Variants in ARID1B observed in about 807,000 individuals in gnomAD.
ARID1B encodes AT-rich interactive domain-containing protein 1B.
A neutral mutation model predicts 212.3 loss-of-function variants in ARID1B; 30 were observed. That is an observed-to-expected ratio of 0.14 (90% confidence interval 0.11 to 0.19). The LOEUF is 0.19. Among genes scored for constraint, ARID1B ranks in the 10% least tolerant of loss-of-function variants. The probability of loss-of-function intolerance (pLI) is 1.00; values close to 1 mark genes in which losing one functional copy is unlikely to be tolerated. For missense variants in ARID1B, 2,891 were observed against 3,204.0 expected (o/e 0.90, Z 2.36); for synonymous variants, 1,402 against 1,301.7 (o/e 1.08, Z -1.66).
chr6:156,882,198 T>C (rs1368353474), intron 2 of ARID1B, among the ~76,000 whole-genome samples: 2 of 152,134 alleles, frequency 1.3e-5, no homozygotes, highest in East Asian at 1.9e-4. Context: ...AAGGGAGTCC[T>C]CCCTCTCAGC....
At chr6:156,783,753 C>T (rs577332814) in intron 1 of ARID1B, among the ~76,000 whole-genome samples, 2 of 152,268 alleles carry the variant, frequency 1.3e-5, no homozygotes, top group South Asian at 4.1e-4. Flanking sequence ...GATGTGCTGG[C>T]CTAGGACTCT....
chr6:156,817,653 C>T (rs1782062278), intron 1 of ARID1B, among the ~76,000 whole-genome samples: 2 of 151,906 alleles, frequency 1.3e-5, no homozygotes, highest in South Asian at 4.2e-4. Context: ...ACCACACACA[C>T]AAAACTTTTA....
At chr6:156,880,462 G>C (rs1330275533) in intron 2 of ARID1B, among the ~76,000 whole-genome samples, 1 of 152,148 alleles carries the variant, frequency 6.6e-6, no homozygotes, top group Non-Finnish European at 1.5e-5. Context: ...CATCAGCCAG[G>C]CACAGTGGCT....
chr6:156,791,096 C>CT (rs1276239931), intron 1 of ARID1B, among the ~76,000 whole-genome samples: 8 of 152,312 alleles, frequency 5.3e-5, no homozygotes, highest in Non-Finnish European at 1.0e-4. Flanking sequence ...CTTTCCCAGT[C>CT]TAAGTAGTTT....
At chr6:156,812,171 G>A (rs537513054) in intron 1 of ARID1B, among the ~76,000 whole-genome samples, 20 of 152,118 alleles carry the variant, frequency 1.3e-4, no homozygotes, top group East Asian at 5.8e-4. Flanking sequence ...TTCCTTTGTC[G>A]CTCAGGCTGG....
chr6:157,207,175 T>A lies in ARID1B; in HGVS notation c.6403T>A (p.Trp2135Arg). The A allele has an allele frequency of 6.2e-7, 1 of 1,613,522 alleles. No individual in the cohort carries two copies. The highest frequency in any genetic ancestry group is 8.5e-7 in the Non-Finnish European group (1 of 1,179,852). Reference protein sequence around the residue: ...DKGVACSKDEWWWDCLEVLRD... With the variant: ...DKGVACSKDERWWDCLEVLRD... ...GGGGGTGGCCTGCAGCAAAGATGAG[T>A]GGTGGTGGGACTGCCTCGAGGTCTT... The change falls in exon 20 of 20, where the codon TGG (tryptophan) becomes AGG (arginine). Residue 2135 changes from tryptophan (W) to arginine (R), a missense_variant. Physicochemically the swap from Trp to Arg is moderately radical, Grantham distance 101 (BLOSUM62 -3). Transcript: ENST00000636930. This position sits in a 1 kb window ranked among gnomAD's most constrained non-coding sequence, Gnocchi z 8.5.
intron 2 of ARID1B, among the ~76,000 whole-genome samples, chr6:156,843,181 TC>T (rs1293091224): frequency 6.6e-6 from 1 of 152,236 alleles, no homozygotes; most frequent in East Asian, 1.9e-4. Context: ...AGCATCAATA[TC>T]TGGTTAGAAT....
intron 3 of ARID1B, among the ~76,000 whole-genome samples, chr6:156,925,426 C>T (rs985221970): frequency 6.6e-6 from 1 of 152,152 alleles, no homozygotes; most frequent in Non-Finnish European, 1.5e-5. Flanking sequence ...AAAGGATCCA[C>T]TGAGCCCAGG....
At position 156,777,958 on chromosome 6, in the gene ARID1B, C is replaced by T. The variant is rs1778751310; in HGVS notation, c.278C>T (p.Ala93Val). The part of the protein sequence containing the change: ...NMAHNAGAAA[A>V]AGTHSAKSGG... Reference sequence around the variant, plus strand: ...GCCCATAACGCGGGCGCCGCGGCCGCCGCCGGCACCCACAGCGCCAAGAGC... The same window carrying T: ...GCCCATAACGCGGGCGCCGCGGCCGTCGCCGGCACCCACAGCGCCAAGAGC... The change falls in exon 1 of 20, where the codon GCC becomes GTC. Residue 93 changes from alanine to valine, a missense_variant. Physicochemically the swap from Ala to Val is moderately conservative, Grantham distance 64. Around this residue, in one of 7 missense-constraint regions of ARID1B, gnomAD observed 1,643 missense variants for 1,544.0 expected, o/e 1.06. Transcript: ENST00000636930. 1.3e-6 allele frequency: 2 copies of T among 1,529,980 alleles called. No homozygotes were observed. The highest frequency in any genetic ancestry group is 2.8e-5 in the African/African-American group (2 of 72,716). 94.8% of individuals were successfully genotyped at this position (1,529,980 alleles called of 1,614,324 possible).
chr6:157,081,515 C>T lies in ARID1B; in HGVS notation c.2248-3147C>T, dbSNP rs144125013. On this transcript the variant is annotated intron_variant, in intron 4 of 19. Coordinates refer to ENST00000636930, the MANE Select transcript of ARID1B (RefSeq NM_001374828.1). ...TGTAACAGTAATATAATAATTATAT[C>T]TTTTTATTACTCTTCTGTTACACTG... Among the ~76,000 whole-genome samples the T allele has an allele frequency of 5.9e-3, 904 of 152,186 alleles. 4 individuals are homozygous for T. The highest frequency in any genetic ancestry group is 9.7e-3 in the Non-Finnish European group (659 of 68,016).
At chr6:157,038,784 TTAC>T (rs1320553304) in intron 4 of ARID1B, among the ~76,000 whole-genome samples, 15 of 152,238 alleles carry the variant, frequency 9.9e-5, no homozygotes, top group African/African-American at 3.6e-4. Flanking sequence ...TCCTTCATAC[TTAC>T]TGAGTATGCA....
chr6:157,183,563 T>C (rs1792721917), intron 12 of ARID1B, among the ~76,000 whole-genome samples: 1 of 152,236 alleles, frequency 6.6e-6, no homozygotes, highest in African/African-American at 2.4e-5. Flanking sequence ...CCTCGGATCT[T>C]GACGTCACAT....
Position 157,190,755 on chromosome 6 carries a change from C to T in ARID1B, c.4231+545C>T, listed in dbSNP as rs1340984707. Among the ~76,000 whole-genome samples the T allele has an allele frequency of 6.6e-6, 1 of 152,140 alleles. No individual in the cohort carries two copies. Among genetic ancestry groups the T allele is most frequent in the Middle Eastern group, 3.2e-3 (1 of 316 alleles). On this transcript the variant is annotated intron_variant, in intron 15 of 19. Coordinates refer to ENST00000636930, the MANE Select transcript of ARID1B (RefSeq NM_001374828.1). The surrounding 1 kb of genome is among the most constrained non-coding windows in gnomAD (Gnocchi z 4.6). ...GAGGAAGCAAAAAATAAGTTAAGCA[C>T]AAATAAGCAGTTAAAGATTGTGGTT...
At chr6:156,900,621 G>T (rs1788841380) in intron 2 of ARID1B, among the ~76,000 whole-genome samples, 1 of 152,100 alleles carries the variant, frequency 6.6e-6, no homozygotes, top group Non-Finnish European at 1.5e-5. Context: ...AAAGGCAATA[G>T]ATTTCTCATT....
intron 4 of ARID1B, among the ~76,000 whole-genome samples, chr6:157,062,796 T>C (rs549983555): frequency 9.2e-5 from 14 of 151,492 alleles, no homozygotes; most frequent in African/African-American, 3.4e-4. Context: ...CCCTGCCTCC[T>C]GGGTTCAAGC....
At chr6:157,160,970 GC>G (rs1790891138) in intron 8 of ARID1B, among the ~76,000 whole-genome samples, 1 of 152,212 alleles carries the variant, frequency 6.6e-6, no homozygotes, top group Non-Finnish European at 1.5e-5. Flanking sequence ...CGCACTCGCT[GC>G]CCTGGTTGTT....
At chr6:156,946,082 C>T (rs186508537) in intron 4 of ARID1B, among the ~76,000 whole-genome samples, 12 of 151,372 alleles carry the variant, frequency 7.9e-5, no homozygotes, top group Non-Finnish European at 1.3e-4. Context: ...ATGGGCCAGG[C>T]GTGGTGGCTC....
intron 5 of ARID1B, among the ~76,000 whole-genome samples, chr6:157,095,780 A>G (rs1785575478): frequency 6.6e-6 from 1 of 152,200 alleles, no homozygotes; most frequent in Non-Finnish European, 1.5e-5. Flanking sequence ...CCTCATTTCC[A>G]CAATTGTTAC....
intron 4 of ARID1B, among the ~76,000 whole-genome samples, chr6:156,961,506 T>C (rs185773137): frequency 2.3e-3 from 352 of 152,206 alleles, no homozygotes; most frequent in Non-Finnish European, 3.7e-3. Context: ...CCGGGTCCGC[T>C]GCGTTGCGCG....
Sources: gnomAD v4.1 joint callset for allele counts (sites outside exome capture counted in the v4.1 genomes callset) on GRCh38, gnomAD v4.1.1 for gene constraint, gnomAD v4.1.1 regional missense constraint, Gnocchi (gnomAD v3.1) non-coding constraint, MANE v1.5 for transcripts, NCBI Gene and HGNC (gene_info 2026-07-23, HGNC 2026-07-21) for gene names.